HCLS1: variants seen among roughly 807,000 people sequenced by gnomAD.
HCLS1 encodes hematopoietic cell-specific Lyn substrate 1, also known as hematopoietic lineage cell-specific protein.
In HCLS1, 44 loss-of-function variants were observed where a neutral mutation model predicts 68.6. That is an observed-to-expected ratio of 0.64 (90% CI 0.50 to 0.82). The LOEUF (loss-of-function observed/expected upper bound fraction) is 0.82. HCLS1 is among the 40% of genes least tolerant of loss of function. The pLI is 0.00. For missense variants in HCLS1, 602 were observed against 612.1 expected (o/e 0.98, Z 0.17); for synonymous variants, 217 against 225.8 (o/e 0.96, Z 0.35).
intron 2 of HCLS1, 97 bp downstream of exon 2, chr3:121,658,167 G>C: frequency 1.1e-6 from 1 of 883,362 alleles, no homozygotes; most frequent in Non-Finnish European, 1.9e-6. Flanking sequence ...GTCCTAGAAG[G>C]CCCTTTTCCA....
At chr3:121,652,252 T>A (rs1477120194) in intron 3 of HCLS1, among the ~76,000 whole-genome samples, 1 of 152,206 alleles carries the variant, frequency 6.6e-6, no homozygotes, top group Non-Finnish European at 1.5e-5. Context: ...CAGGGAAATT[T>A]TCATGGTAAT....
At chr3:121,632,277 TCTTACCCTCCCCTGGA>T (rs2049104895) in intron 12 of HCLS1, 39 bp downstream of exon 12, 1 of 1,605,416 alleles carries the variant, frequency 6.2e-7, no homozygotes, top group Non-Finnish European at 8.5e-7. Context: ...TTCTTCTTCC[TCTTACCCTCCCCTGGA>T]CATGAGCAAA....
intron 6 of HCLS1, among the ~76,000 whole-genome samples, chr3:121,638,644 T>C (rs886589809): frequency 6.6e-6 from 1 of 152,230 alleles, no homozygotes; most frequent in African/African-American, 2.4e-5. Flanking sequence ...TTTCCACTTA[T>C]GTGATGCAGG....
intron 3 of HCLS1, among the ~76,000 whole-genome samples, chr3:121,652,711 A>G (rs1366793497): frequency 6.6e-6 from 1 of 152,220 alleles, no homozygotes; most frequent in Non-Finnish European, 1.5e-5. Flanking sequence ...AAAACCTTAA[A>G]TGAAAGAGAC....
At position 121,632,093 on chromosome 3, in the gene HCLS1, C is replaced by T. The variant is rs2049102998; in HGVS notation, c.1324+8G>A. 2 of 1,613,910 alleles carry T rather than the reference C, an allele frequency of 1.2e-6. No homozygotes were observed. ...TGTACCAGGCTCCTCGGGCCACTCC[C>T]AACCTACCTCCTTGGTAATCATATA... On this transcript the variant is annotated splice_region_variant and intron_variant, in intron 13 of 13. Transcript: ENST00000314583.
intron 3 of HCLS1, among the ~76,000 whole-genome samples, chr3:121,648,604 G>A (rs1040063206): frequency 3.0e-4 from 45 of 152,188 alleles, no homozygotes; most frequent in Admixed American, 2.2e-3. Context: ...ACCAGCGCAG[G>A]ACAACCAGAC....
chr3:121,641,998 T>C (rs1576463900), intron 6 of HCLS1, among the ~76,000 whole-genome samples: 1 of 137,780 alleles, frequency 7.3e-6, no homozygotes, highest in African/African-American at 2.8e-5. Context: ...GAGAATGGCG[T>C]GAACCCGGAA....
At chr3:121,642,195 C>A (rs547270865) in intron 6 of HCLS1, among the ~76,000 whole-genome samples, 1 of 151,022 alleles carries the variant, frequency 6.6e-6, no homozygotes, top group Admixed American at 6.6e-5. Flanking sequence ...CACGGTGGCT[C>A]ACACCTATAA....
chr3:121,657,060 T>C (rs1203441203), intron 3 of HCLS1: 3 of 454,354 alleles, frequency 6.6e-6, no homozygotes, highest in African/African-American at 2.0e-5. Context: ...AAAAGATAGA[T>C]AATAGGGTTG....
intron 3 of HCLS1, among the ~76,000 whole-genome samples, chr3:121,650,373 C>CTT (rs201700737): frequency 1.4e-5 from 2 of 142,416 alleles, no homozygotes. Flanking sequence ...TCTTTTGTTT[C>CTT]TTTTTTTTTT....
chr3:121,639,746 C>T lies in HCLS1; in HGVS notation c.455-2490G>A, dbSNP rs548140538. 1.2e-4 allele frequency among the ~76,000 whole-genome samples: 19 copies of T among 152,180 alleles called. 1 individual carries two copies. The South Asian group carries it at 2.9e-3, about 23-fold the overall frequency. On this transcript the variant is annotated intron_variant, in intron 6 of 13. Coordinates refer to ENST00000314583, the MANE Select transcript of HCLS1 (RefSeq NM_005335.6). ...ACATTCAAATATTTGTTGAATGTAGCAAATGTTTGTAGCAAATGAAGGTAG... is the reference window on the plus strand; with the variant it reads ...ACATTCAAATATTTGTTGAATGTAGTAAATGTTTGTAGCAAATGAAGGTAG...
chr3:121,648,354 T>C (rs1937656881), intron 3 of HCLS1, among the ~76,000 whole-genome samples: 1 of 152,192 alleles, frequency 6.6e-6, no homozygotes, highest in Admixed American at 6.5e-5. Context: ...ACCATGAAGG[T>C]GACTGCAACA....
intron 4 of HCLS1, among the ~76,000 whole-genome samples, 184 bp downstream of exon 4, chr3:121,647,135 C>T (rs191371575): frequency 9.9e-5 from 15 of 151,522 alleles, no homozygotes; most frequent in South Asian, 2.1e-4. Flanking sequence ...GCACCCACCA[C>T]GACGCACGGC....
At position 121,642,263 on chromosome 3, in the gene HCLS1, T is replaced by C. The variant is rs185991843; in HGVS notation, c.454+664A>G. Among the ~76,000 whole-genome samples the C allele has an allele frequency of 5.8e-3, 820 of 142,248 alleles. 10 individuals are homozygous for C. The highest frequency in any genetic ancestry group is 0.02 in the African/African-American group (773 of 37,938). 93.3% of individuals were successfully genotyped at this position (142,248 alleles called of 152,430 possible). Reference sequence around the variant, plus strand: ...TCACGAGGTCAGGAGATCGACACCATCCTGGCTAACACAGTGAAACCCCGT... The same window carrying C: ...TCACGAGGTCAGGAGATCGACACCACCCTGGCTAACACAGTGAAACCCCGT... On this transcript the variant is annotated intron_variant, in intron 6 of 13. Coordinates refer to ENST00000314583, the MANE Select transcript of HCLS1 (RefSeq NM_005335.6).
Position 121,650,195 on chromosome 3 carries a change from C to T in HCLS1, c.159-2747G>A, listed in dbSNP as rs186890848. Among the ~76,000 whole-genome samples, 4 of 152,204 alleles carry T rather than the reference C, an allele frequency of 2.6e-5. No homozygotes were observed. The East Asian group carries it at 7.7e-4, about 29-fold the overall frequency. On this transcript the variant is annotated intron_variant, in intron 3 of 13. Coordinates refer to ENST00000314583, the MANE Select transcript of HCLS1 (RefSeq NM_005335.6). ...AAGATCTAAATAAATGGAGAGATATCCCATGTTCATGGATTGGAAAACTCA... is the reference window on the plus strand; with the variant it reads ...AAGATCTAAATAAATGGAGAGATATTCCATGTTCATGGATTGGAAAACTCA...
chr3:121,645,367 T>A (rs1044192170), intron 4 of HCLS1, among the ~76,000 whole-genome samples: 1 of 152,142 alleles, frequency 6.6e-6, no homozygotes, highest in African/African-American at 2.4e-5. Flanking sequence ...TTGTTCTAGA[T>A]CTTTGCTCCT....
chr3:121,639,135 T>C (rs1301747415), intron 6 of HCLS1, among the ~76,000 whole-genome samples: 1 of 152,098 alleles, frequency 6.6e-6, no homozygotes, highest in Non-Finnish European at 1.5e-5. Flanking sequence ...ACACCATTCT[T>C]TCATTAATTA....
chr3:121,656,574 T>C (rs938938416), intron 3 of HCLS1, among the ~76,000 whole-genome samples: 2 of 152,014 alleles, frequency 1.3e-5, no homozygotes, highest in Admixed American at 6.6e-5. Flanking sequence ...GAGGGTTTTG[T>C]TTGTTTGTTT....
chr3:121,650,246 TAA>T (rs367959517), intron 3 of HCLS1, among the ~76,000 whole-genome samples: 37 of 152,344 alleles, frequency 2.4e-4, no homozygotes, highest in African/African-American at 8.9e-4. Flanking sequence ...CAGTTCTCCC[TAA>T]AATGATCTAT....
Sources: allele counts gnomAD v4.1 joint callset (sites outside exome capture counted in the v4.1 genomes callset), GRCh38; gene constraint gnomAD v4.1.1; transcripts MANE v1.5; gene names NCBI Gene and HGNC (gene_info 2026-07-23, HGNC 2026-07-21).